Variants in FLT4 observed in about 807,000 individuals in gnomAD.
The protein encoded by FLT4 is vascular endothelial growth factor receptor 3.
Under a neutral mutation model 163.2 loss-of-function variants are expected in FLT4, and 30 were observed. The ratio of observed to expected loss-of-function variants is 0.18; its 90% confidence interval spans 0.14 to 0.25. The LOEUF is 0.25. Ranked by LOEUF, FLT4 falls within the 10% of genes least tolerant of loss-of-function variation. The pLI, the probability that FLT4 is intolerant of heterozygous loss-of-function variation, is 1.00. For synonymous variants in FLT4, 884 were observed against 789.5 expected (o/e 1.12, Z -2.01); for missense variants, 1,510 against 1,863.8 (o/e 0.81, Z 3.50).
intron 24 of FLT4, chr5:180,613,408 C>T (rs1186256904): frequency 2.6e-6 from 1 of 389,100 alleles, no homozygotes; most frequent in African/African-American, 2.1e-5. Context: ...ACTGGATCAT[C>T]AGCGGCGGGG....
At chr5:180,605,931 G>A (rs1294831415) in intron 29 of FLT4, among the ~76,000 whole-genome samples, 2 of 152,170 alleles carry the variant, frequency 1.3e-5, no homozygotes, top group East Asian at 3.9e-4. Flanking sequence ...AACCCCCATG[G>A]GGCGAGTGCC....
At position 180,623,432 on chromosome 5, in the gene FLT4, C is replaced by T. The variant is rs1035314286; in HGVS notation, c.1548+503G>A. On this transcript the variant is annotated intron_variant, in intron 11 of 29. Transcript: ENST00000261937. The surrounding 1 kb of genome is among the most constrained non-coding windows in gnomAD (Gnocchi z 5.8). ...ACAGGCCCTGCCTACCATCCAAAGACCCCCACCCCCACCCCACCCCCAGCT... is the reference window on the plus strand; with the variant it reads ...ACAGGCCCTGCCTACCATCCAAAGATCCCCACCCCCACCCCACCCCCAGCT... Among the ~76,000 whole-genome samples, 1 of 151,944 alleles carries T rather than the reference C, an allele frequency of 6.6e-6. No homozygotes were observed. The highest frequency in any genetic ancestry group is 1.5e-5 in the Non-Finnish European group (1 of 67,940).
chr5:180,639,894 G>A (rs113932116), intron 1 of FLT4, among the ~76,000 whole-genome samples: 7 of 152,308 alleles, frequency 4.6e-5, no homozygotes, highest in East Asian at 3.9e-4. Context: ...TTCCTGGCCC[G>A]GGAACTGGCT....
At position 180,621,871 on chromosome 5, in the gene FLT4, G is replaced by A; in HGVS notation, c.1691C>T (p.Pro564Leu). The A allele has an allele frequency of 6.2e-7, 1 of 1,613,540 alleles. No individual in the cohort carries two copies. The highest frequency in any genetic ancestry group is 8.5e-7 in the Non-Finnish European group (1 of 1,179,986). The change falls in exon 13 of 30, where the codon CCA becomes CTA. Residue 564 changes from proline to leucine, a missense_variant. Physicochemically the swap from Pro to Leu is moderately conservative, Grantham distance 98. Coordinates refer to ENST00000261937, the MANE Select transcript of FLT4 (RefSeq NM_182925.5). ...IPDGFTIESKPSEELLEGQPV... is the reference protein window; with the variant it reads ...IPDGFTIESKLSEELLEGQPV... ...CTGGCCCTCTAGTAGCTCCTCGGATGGCTTGGATTCGATGGTGAAGCCGTC... is the reference window on the plus strand; with the variant it reads ...CTGGCCCTCTAGTAGCTCCTCGGATAGCTTGGATTCGATGGTGAAGCCGTC...
At chr5:180,633,905 C>T (rs1414264385) in intron 1 of FLT4, among the ~76,000 whole-genome samples, 2 of 152,206 alleles carry the variant, frequency 1.3e-5, no homozygotes, top group Admixed American at 6.5e-5. Flanking sequence ...GAACATCCCG[C>T]CACCCCTACT....
rs1468150967 is a variant in FLT4 at position 180,621,662 on chromosome 5, C to T, written c.1900G>A (p.Ala634Thr). ...CGGGGGATACTCAGGCTGAGCGTGG[C>T]GTGGCGCGCCCCAGGTGCCACCTCC... is the stretch of plus-strand genomic sequence containing the variant. ...LEEVAPGARH[A>T]TLSLSIPRVA... Residue 634 changes from alanine to threonine, a missense_variant, in exon 13 of 30, where the codon GCC becomes ACC. Ala to Thr is a moderately conservative substitution (Grantham distance 58). Transcript: ENST00000261937. 1.9e-6 allele frequency: 3 copies of T among 1,609,496 alleles called. No individual in the cohort carries two copies. Among genetic ancestry groups the T allele is most frequent in the South Asian group, 1.1e-5 (1 of 90,928 alleles).
At chr5:180,632,153 C>T (rs1005769381) in intron 1 of FLT4, among the ~76,000 whole-genome samples, 3 of 152,074 alleles carry the variant, frequency 2.0e-5, no homozygotes, top group Non-Finnish European at 2.9e-5. Flanking sequence ...AGTGCTGCTG[C>T]CTGAGGCCCT....
chr5:180,649,658 G>T (rs1581725606), upstream of FLT4: 2 of 391,550 alleles, frequency 5.1e-6, no homozygotes, highest in East Asian at 2.0e-4. Context: ...GGCCGGAGGC[G>T]GGCCCGGGAT....
In FLT4 at chr5:180,620,646, CAGA is replaced by C. The variant is rs1472098730; in HGVS notation, c.2366_2368del (p.Phe789del). The C allele has an allele frequency of 2.5e-5, 40 of 1,613,404 alleles. No homozygotes were observed. Among genetic ancestry groups the C allele is most frequent in the Non-Finnish European group, 3.3e-5 (39 of 1,179,934 alleles). On this transcript the variant is annotated inframe_deletion, in exon 16 of 30. Transcript: ENST00000261937. The surrounding 1 kb of genome is among the most constrained non-coding windows in gnomAD (Gnocchi z 4.4). ...ACAGAAGATGAGGAGGAGGAGGACC[CAGA>C]AGAAGACAGCGATGACGCCGGTACC...
chr5:180,623,225 TGG>T lies in FLT4; in HGVS notation c.1549-388_1549-387del, dbSNP rs1393507176. 6.6e-6 allele frequency among the ~76,000 whole-genome samples: 1 copy of T among 152,130 alleles called. No individual in the cohort carries two copies. Among genetic ancestry groups the T allele is most frequent in the African/African-American group, 2.4e-5 (1 of 41,430 alleles). ...ACAGCAAAAGCCAGTCACTTCTGGA[TGG>T]GGTCAGGCCCAATCCAGTCGCTGCT... On this transcript the variant is annotated intron_variant, in intron 11 of 29. Coordinates refer to ENST00000261937, the MANE Select transcript of FLT4 (RefSeq NM_182925.5). This position sits in a 1 kb window ranked among gnomAD's most constrained non-coding sequence, Gnocchi z 5.8.
At chr5:180,614,046 C>G in intron 24 of FLT4, 22 bp downstream of exon 24, 1 of 1,539,192 alleles carries the variant, frequency 6.5e-7, no homozygotes, top group Middle Eastern at 1.7e-4. Flanking sequence ...CTCTCCCCAC[C>G]GGCACCCCAT....
intron 27 of FLT4, among the ~76,000 whole-genome samples, chr5:180,610,318 G>A (rs2242218): frequency 0.037 from 5,592 of 152,324 alleles, 158 homozygotes; most frequent in East Asian, 0.09. Flanking sequence ...AGCTCCTCCC[G>A]GGGATGGGCT....
intron 1 of FLT4, 93 bp downstream of exon 1, chr5:180,649,395 C>G: frequency 1.0e-6 from 1 of 956,006 alleles, no homozygotes; most frequent in Non-Finnish European, 1.5e-6. Context: ...CGCCCGTACC[C>G]GGCGGAGCGG....
At position 180,631,732 on chromosome 5, in the gene FLT4, C is replaced by A. The variant is rs762902995; in HGVS notation, c.105G>T (p.Thr35=). ...YSMTPPTLNI[T]EESHVIDTGD... is the part of the protein sequence containing the mutation. Reference sequence around the variant, plus strand: ...CGGTGTCGATGACGTGTGACTCCTCCGTGATGTTCAAGGTCGGGGGGGTCA... The same window carrying A: ...CGGTGTCGATGACGTGTGACTCCTCAGTGATGTTCAAGGTCGGGGGGGTCA... Residue 35 remains threonine, a synonymous_variant, in exon 2 of 30, where the codon ACG becomes ACT. Coordinates refer to ENST00000261937, the MANE Select transcript of FLT4 (RefSeq NM_182925.5). 6.2e-7 allele frequency: 1 copy of A among 1,610,900 alleles called. No homozygotes were observed. The highest frequency in any genetic ancestry group is 1.1e-5 in the South Asian group (1 of 91,084).
chr5:180,626,580 G>A (rs116115272), intron 8 of FLT4, among the ~76,000 whole-genome samples: 1 of 152,324 alleles, frequency 6.6e-6, no homozygotes, highest in African/African-American at 2.4e-5. Context: ...CACTGCTGGG[G>A]CAGCCGCCTT....
chr5:180,622,092 T>C (rs943471362), intron 12 of FLT4, among the ~76,000 whole-genome samples, 188 bp from the exon 13 acceptor site: 2 of 148,264 alleles, frequency 1.3e-5, no homozygotes, highest in African/African-American at 4.9e-5. Flanking sequence ...TCAGTGGGAC[T>C]TGAGTCCTCA....
intron 8 of FLT4, among the ~76,000 whole-genome samples, chr5:180,627,495 C>T (rs766176013): frequency 4.6e-5 from 7 of 152,212 alleles, no homozygotes; most frequent in Admixed American, 2.0e-4. Context: ...GTGACAGCAG[C>T]GTGCTGGACA....
rs1433924963 is a variant in FLT4 at position 180,618,200 on chromosome 5, C to A, written c.3001+570G>T. 1.5e-4 allele frequency among the ~76,000 whole-genome samples: 11 copies of A among 74,172 alleles called. No individual in the cohort carries two copies. The South Asian group carries it at 3.0e-3, about 20-fold the overall frequency. The allele number at this position is 74,172 out of a possible 152,430, so 48.7% of individuals were successfully genotyped here. A position where few individuals can be genotyped will look rare whatever the true frequency, so the allele number is the denominator to read the frequency against. On this transcript the variant is annotated intron_variant, in intron 21 of 29. Transcript: ENST00000261937. ...CTATTCCAGAGCACCCTCTCCTGCC[C>A]CTCAGCCTCTGGGACACCCACGTCC...
rs1233177265 is a variant in FLT4, at chr5:180,602,727, G to A, written c.*465C>T. The A allele has an allele frequency of 2.2e-6, 1 of 450,322 alleles. No homozygotes were observed. The highest frequency in any genetic ancestry group is 2.0e-5 in the African/African-American group (1 of 50,460). 27.9% of individuals were successfully genotyped at this position (450,322 alleles called of 1,614,324 possible). On this transcript the variant is annotated 3_prime_UTR_variant, in exon 30 of 30. Coordinates refer to ENST00000261937, the MANE Select transcript of FLT4 (RefSeq NM_182925.5). ...GGGTGAGGCCAGCCAGCCCTCGTGGGGAGAGTAGCTGTGTGCCTGAGGAGG... is the reference window on the plus strand; with the variant it reads ...GGGTGAGGCCAGCCAGCCCTCGTGGAGAGAGTAGCTGTGTGCCTGAGGAGG...
Sources: allele counts gnomAD v4.1 joint callset (sites outside exome capture counted in the v4.1 genomes callset), GRCh38; gene constraint gnomAD v4.1.1; non-coding constraint Gnocchi (gnomAD v3.1); transcripts MANE v1.5; gene names NCBI Gene and HGNC (gene_info 2026-07-23, HGNC 2026-07-21).